Variants in TBC1D23 observed in about 807,000 individuals in gnomAD.
The protein encoded by TBC1D23 is HCV non-structural protein 4A-transactivated protein 1.
In TBC1D23, 55 loss-of-function variants were observed where a neutral mutation model predicts 91.4. The observed-to-expected ratio is 0.60, with a 90% CI of 0.48 to 0.75. The LOEUF is 0.75. Among genes scored for constraint, TBC1D23 ranks in the 30% least tolerant of loss-of-function variants. The pLI is 0.00. For missense variants in TBC1D23, 725 were observed against 836.1 expected, an observed-to-expected ratio of 0.87 and a Z score of 1.64; for synonymous variants, 289 against 281.0, an observed-to-expected ratio of 1.03 and a Z score of -0.28.
rs763928673 is a variant in TBC1D23, at chr3:100,304,857, A to C, written c.1275A>C (p.Glu425Asp). Reference sequence around the variant, plus strand: ...CTTTTCCATTACAGAAAAACAAAGAATATGTGAGTATTGCCAGTGGAGGAT... The same window carrying C: ...CTTTTCCATTACAGAAAAACAAAGACTATGTGAGTATTGCCAGTGGAGGAT... ...VLAHFLQKNK[E>D]YVSIASGGFM... Residue 425 changes from glutamate (E) to aspartate (D), a missense_variant, in exon 12 of 19, where the codon GAA (glutamate) becomes GAC (aspartate). Physicochemically the swap from Glu to Asp is conservative, Grantham distance 45. Coordinates refer to ENST00000394144, the MANE Select transcript of TBC1D23 (RefSeq NM_001199198.3). 10 of 1,496,826 alleles carry C rather than the reference A, an allele frequency of 6.7e-6. No homozygotes were observed. The East Asian group carries it at 2.0e-4, about 30-fold the overall frequency. 92.7% of individuals were successfully genotyped at this position (1,496,826 alleles called of 1,614,324 possible).
intron 16 of TBC1D23, among the ~76,000 whole-genome samples, chr3:100,316,933 A>T (rs1412164018): frequency 6.6e-6 from 1 of 152,092 alleles, no homozygotes. Context: ...AAGTACAAAA[A>T]TTAGCTGGGC....
chr3:100,267,680 T>C (rs115620394), intron 1 of TBC1D23, among the ~76,000 whole-genome samples: 274 of 152,366 alleles, frequency 1.8e-3, no homozygotes, highest in African/African-American at 6.1e-3. Flanking sequence ...AATGCTCCAA[T>C]GAGCATTCCT....
At chr3:100,292,958 T>C (rs1327607540) in intron 5 of TBC1D23, among the ~76,000 whole-genome samples, 2 of 152,128 alleles carry the variant, frequency 1.3e-5, no homozygotes, top group East Asian at 3.8e-4. Flanking sequence ...CTATTTATGT[T>C]AAGGTAGTAA....
intron 1 of TBC1D23, chr3:100,267,284 C>A (rs2067564951): frequency 2.3e-6 from 1 of 433,608 alleles, no homozygotes; most frequent in Non-Finnish European, 4.6e-6. Flanking sequence ...AAATCAAATT[C>A]TTTCTTGTAG....
intron 1 of TBC1D23, among the ~76,000 whole-genome samples, chr3:100,269,585 AGACATACT>A: frequency 6.6e-6 from 1 of 152,230 alleles, no homozygotes. Flanking sequence ...AAGTTGCACA[AGACATACT>A]GTGGTCCTTG....
rs780110994 is a variant in TBC1D23 at position 100,316,125 on chromosome 3, G to A, written c.1625G>A (p.Gly542Asp). The change falls in exon 16 of 19, where the codon GGC becomes GAC. Residue 542 changes from glycine to aspartate, a missense_variant. Gly to Asp is a moderately conservative substitution (Grantham distance 94). Transcript: ENST00000394144. ...ERHVSSSDRV[G>D]KPYRGVKPVF... ...CATGTGAGCAGCAGTGACAGAGTGG[G>A]CAAGCCTTACCGTGGCGTAAAGCCT... is the stretch of plus-strand genomic sequence containing the variant. 4 of 1,614,024 alleles carry A rather than the reference G, an allele frequency of 2.5e-6. No homozygotes were observed. Among genetic ancestry groups the A allele is most frequent in the South Asian group, 1.1e-5 (1 of 91,080 alleles).
At chr3:100,261,923 C>T (rs538955724) in intron 1 of TBC1D23, among the ~76,000 whole-genome samples, 14 of 152,250 alleles carry the variant, frequency 9.2e-5, no homozygotes, top group African/African-American at 2.9e-4. Context: ...AGTGTATTGA[C>T]CACATGTATT....
At chr3:100,279,557 C>G in intron 1 of TBC1D23, 92 bp from the exon 2 acceptor site, 1 of 816,324 alleles carries the variant, frequency 1.2e-6, no homozygotes, top group Non-Finnish European at 1.9e-6. Context: ...GTTTCTTAGA[C>G]AAGCCTTTAA....
intron 1 of TBC1D23, among the ~76,000 whole-genome samples, chr3:100,268,887 A>G (rs549211329): frequency 1.3e-5 from 2 of 152,366 alleles, no homozygotes; most frequent in African/African-American, 2.4e-5. Context: ...CCAATTTTGT[A>G]GTCAAAATCT....
Position 100,320,124 on chromosome 3 carries a change from C to A in TBC1D23, c.1824-653C>A, listed in dbSNP as rs546616546. Among the ~76,000 whole-genome samples, 4 of 152,224 alleles carry A rather than the reference C, an allele frequency of 2.6e-5. No homozygotes were observed. The South Asian group carries it at 8.3e-4, about 32-fold the overall frequency. ...GTACAGCAGAACTCATCCCCCCACCCCCTCGCTTCCCTTTTCTCTTCATGA... is the reference window on the plus strand; with the variant it reads ...GTACAGCAGAACTCATCCCCCCACCACCTCGCTTCCCTTTTCTCTTCATGA... On this transcript the variant is annotated intron_variant, in intron 17 of 18. Coordinates refer to ENST00000394144, the MANE Select transcript of TBC1D23 (RefSeq NM_001199198.3).
chr3:100,319,590 G>A (rs768608936), intron 17 of TBC1D23, among the ~76,000 whole-genome samples: 6 of 151,962 alleles, frequency 3.9e-5, no homozygotes, highest in East Asian at 1.9e-4. Flanking sequence ...CACCACCCCC[G>A]GCTAATTTTG....
At chr3:100,296,047 T>G in intron 7 of TBC1D23, 125 bp from the exon 8 acceptor site, 1 of 486,190 alleles carries the variant, frequency 2.1e-6, no homozygotes, top group East Asian at 3.3e-5. Context: ...CACAAGTCAT[T>G]GTAAAAGCAC....
chr3:100,292,228 C>T (rs1024727633), intron 5 of TBC1D23, among the ~76,000 whole-genome samples: 1 of 152,184 alleles, frequency 6.6e-6, no homozygotes, highest in Non-Finnish European at 1.5e-5. Context: ...GGGACTTCTA[C>T]GAGGTCCCCA....
rs952624961 is a variant in TBC1D23 at position 100,319,115 on chromosome 3, T to C, written c.1734T>C (p.Val578=). 8 of 1,598,254 alleles carry C rather than the reference T, an allele frequency of 5.0e-6. No homozygotes were observed. The highest frequency in any genetic ancestry group is 1.7e-5 in the Admixed American group (1 of 59,066). Residue 578 remains valine, a synonymous_variant, in exon 17 of 19, where the codon GTT becomes GTC. Transcript: ENST00000394144. ...TGTCAGATGATGATAGAAAAGAGGT[T>C]GTAAACATTCAGACTTGGATAAACA... is the stretch of plus-strand genomic sequence containing the variant. ...SSMSDDDRKE[V]VNIQTWINKP...
intron 1 of TBC1D23, among the ~76,000 whole-genome samples, chr3:100,273,779 C>T (rs112859081): frequency 5.8e-4 from 88 of 152,190 alleles, no homozygotes; most frequent in African/African-American, 2.0e-3. Context: ...GATTCCCTAT[C>T]TAATAAATGG....
At chr3:100,270,656 T>G (rs2067592662) in intron 1 of TBC1D23, among the ~76,000 whole-genome samples, 2 of 152,216 alleles carry the variant, frequency 1.3e-5, no homozygotes, top group Non-Finnish European at 2.9e-5. Context: ...ATTTGTTTTC[T>G]CTTGGCTCTG....
intron 1 of TBC1D23, 172 bp from the exon 2 acceptor site, chr3:100,279,477 G>A (rs921973513): frequency 6.5e-6 from 3 of 458,336 alleles, no homozygotes; most frequent in Admixed American, 3.7e-5. Context: ...ACTGTATGAA[G>A]CCTGAGATTT....
At chr3:100,280,461 G>A (rs1197491245) in intron 2 of TBC1D23, among the ~76,000 whole-genome samples, 2 of 151,928 alleles carry the variant, frequency 1.3e-5, no homozygotes, top group African/African-American at 2.4e-5. Context: ...TTGAATTAAG[G>A]CATTGTTATG....
rs139641389 is a variant in TBC1D23, at chr3:100,296,259, C to T, written c.860C>T (p.Pro287Leu). ...SLAQYYCSKTPASFRKDNHHL... is the reference protein window; with the variant it reads ...SLAQYYCSKTLASFRKDNHHL... The stretch of plus-strand genomic sequence containing the variant: ...GCTCAGTATTATTGCAGCAAAACAC[C>T]GGCTTCTTTTAGGAAGGTATAAGAC... The change falls in exon 8 of 19, where the codon CCG becomes CTG. Residue 287 changes from proline to leucine, a missense_variant. Coordinates refer to ENST00000394144, the MANE Select transcript of TBC1D23 (RefSeq NM_001199198.3). 25 of 1,598,988 alleles carry T rather than the reference C, an allele frequency of 1.6e-5. No homozygotes were observed. The highest frequency in any genetic ancestry group is 2.0e-5 in the Non-Finnish European group (23 of 1,170,512).
Sources: allele counts gnomAD v4.1 joint callset (sites outside exome capture counted in the v4.1 genomes callset), GRCh38; gene constraint gnomAD v4.1.1; transcripts MANE v1.5; gene names NCBI Gene and HGNC (gene_info 2026-07-23, HGNC 2026-07-21).